The following ZBTB20 variants were observed in gnomAD, a reference collection of about 807,000 sequenced individuals.
The protein encoded by ZBTB20 is zinc finger and BTB domain containing 20.
In ZBTB20, 9 loss-of-function variants were observed where a neutral mutation model predicts 56.9. The observed-to-expected ratio is 0.16, with a 90% CI of 0.10 to 0.28. ZBTB20 has a LOEUF of 0.28. Ranked by LOEUF, ZBTB20 falls within the 10% of genes least tolerant of loss-of-function variation. The pLI is 1.00. For synonymous variants in ZBTB20, 417 were observed against 420.7 expected, an observed-to-expected ratio of 0.99 and a Z score of 0.11; for missense variants, 655 against 1,003.0, an observed-to-expected ratio of 0.65 and a Z score of 4.69.
intron 10 of ZBTB20, among the ~76,000 whole-genome samples, chr3:114,361,441 G>C (rs1185342632): frequency 6.6e-6 from 1 of 152,030 alleles, no homozygotes; most frequent in Non-Finnish European, 1.5e-5. Flanking sequence ...TTCATTTTTG[G>C]CTTGTTCTCA....
chr3:114,987,522 G>A (rs1004351616), intron 2 of ZBTB20, among the ~76,000 whole-genome samples: 7 of 152,132 alleles, frequency 4.6e-5, no homozygotes, highest in Non-Finnish European at 7.4e-5. Flanking sequence ...TTTCAAAAGA[G>A]GATGAAGTGC....
intron 2 of ZBTB20, among the ~76,000 whole-genome samples, chr3:115,066,031 T>C (rs924763994): frequency 3.3e-5 from 5 of 152,160 alleles, no homozygotes; most frequent in Non-Finnish European, 5.9e-5. Context: ...TTTCTACTAG[T>C]AGAAATTCCC....
At chr3:114,768,358 A>G (rs2068930831) in intron 5 of ZBTB20, among the ~76,000 whole-genome samples, 1 of 152,052 alleles carries the variant, frequency 6.6e-6, no homozygotes, top group Admixed American at 6.6e-5. Context: ...TCATGTTTTA[A>G]TCATTAATTC....
chr3:114,954,765 C>T (rs917941263), intron 3 of ZBTB20, among the ~76,000 whole-genome samples: 1 of 152,136 alleles, frequency 6.6e-6, no homozygotes, highest in African/African-American at 2.4e-5. Context: ...CACTCAACTG[C>T]AAATACTGTT....
intron 1 of ZBTB20, among the ~76,000 whole-genome samples, chr3:115,080,029 G>A (rs1182090857): frequency 6.6e-6 from 1 of 152,142 alleles, no homozygotes; most frequent in Non-Finnish European, 1.5e-5. Flanking sequence ...GAATGTTCAT[G>A]CCCAAATTTA....
intron 7 of ZBTB20, among the ~76,000 whole-genome samples, chr3:114,423,796 C>G (rs573824244): frequency 6.6e-6 from 1 of 152,280 alleles, no homozygotes; most frequent in African/African-American, 2.4e-5. Flanking sequence ...GAGGGCAGGA[C>G]AGGTGAACCA....
chr3:114,481,571 ACT>A (rs1347468022), intron 7 of ZBTB20, among the ~76,000 whole-genome samples: 7 of 152,108 alleles, frequency 4.6e-5, no homozygotes, highest in Non-Finnish European at 1.0e-4. Flanking sequence ...TCTCTGAGAA[ACT>A]CTATTTTGCA....
At chr3:114,953,466 T>C (rs950714762) in intron 3 of ZBTB20, among the ~76,000 whole-genome samples, 1 of 151,696 alleles carries the variant, frequency 6.6e-6, no homozygotes, top group African/African-American at 2.4e-5. Context: ...TTATACACTG[T>C]TTTCAACAAA....
chr3:114,787,366 T>TATATATACACACAC (rs1278656494), intron 5 of ZBTB20, among the ~76,000 whole-genome samples: 1 of 82,900 alleles, frequency 1.2e-5, no homozygotes, highest in African/African-American at 5.3e-5. Context: ...TATATATATA[T>TATATATACACACAC]ATACACACAC....
intron 10 of ZBTB20, among the ~76,000 whole-genome samples, chr3:114,375,607 G>T (rs1219434535): frequency 6.6e-6 from 1 of 152,196 alleles, no homozygotes; most frequent in Admixed American, 6.5e-5. Flanking sequence ...CTTTCAAGTT[G>T]TTCTAATGGC....
intron 1 of ZBTB20, among the ~76,000 whole-genome samples, chr3:115,104,775 A>G (rs2083674964): frequency 6.6e-6 from 1 of 152,230 alleles, no homozygotes; most frequent in Admixed American, 6.5e-5. Context: ...GTATAATACA[A>G]TAGTGACAGA....
At chr3:114,429,700 GA>G (rs1399931945) in intron 7 of ZBTB20, among the ~76,000 whole-genome samples, 1 of 150,794 alleles carries the variant, frequency 6.6e-6, no homozygotes. Flanking sequence ...AAAATATTTG[GA>G]AAAAAAAAAC....
At chr3:115,112,586 T>A (rs2083908531) in intron 1 of ZBTB20, among the ~76,000 whole-genome samples, 1 of 152,174 alleles carries the variant, frequency 6.6e-6, no homozygotes, top group South Asian at 2.1e-4. Context: ...TTATTTCACT[T>A]AACATAATGA....
chr3:114,753,324 C>CATTATATATA (rs756251155), intron 5 of ZBTB20, among the ~76,000 whole-genome samples: 6 of 117,258 alleles, frequency 5.1e-5, no homozygotes, highest in African/African-American at 2.0e-4. Context: ...TATATGTATA[C>CATTATATATA]CTGTATATAT....
At chr3:114,402,274 T>C (rs187287237) in intron 7 of ZBTB20, among the ~76,000 whole-genome samples, 34 of 152,274 alleles carry the variant, frequency 2.2e-4, no homozygotes, top group African/African-American at 7.9e-4. Context: ...TATGTCAAAA[T>C]GGCTGTTCTC....
intron 6 of ZBTB20, among the ~76,000 whole-genome samples, chr3:114,669,680 T>G (rs1008141975): frequency 2.0e-5 from 3 of 151,870 alleles, no homozygotes; most frequent in Non-Finnish European, 2.9e-5. Flanking sequence ...TCATTTTTTC[T>G]AGGACCAGTT....
chr3:114,873,451 C>A (rs2076080378), intron 4 of ZBTB20, among the ~76,000 whole-genome samples: 2 of 152,020 alleles, frequency 1.3e-5, no homozygotes, highest in South Asian at 4.1e-4. Flanking sequence ...TGATTTTCTC[C>A]TTTAAACATC....
At chr3:114,673,447 G>A (rs1324934681) in intron 6 of ZBTB20, among the ~76,000 whole-genome samples, 1 of 152,074 alleles carries the variant, frequency 6.6e-6, no homozygotes, top group African/African-American at 2.4e-5. Context: ...TAATAACCTC[G>A]ACTATTTAAC....
chr3:114,551,057 A>C (rs2050514377), intron 6 of ZBTB20, among the ~76,000 whole-genome samples: 1 of 152,194 alleles, frequency 6.6e-6, no homozygotes, highest in African/African-American at 2.4e-5. Context: ...GGCCAAAATA[A>C]ATTTTTTTAA....
Sources: allele counts gnomAD v4.1 joint callset (sites outside exome capture counted in the v4.1 genomes callset), GRCh38; gene constraint gnomAD v4.1.1; transcripts MANE v1.5; gene names NCBI Gene and HGNC (gene_info 2026-07-23, HGNC 2026-07-21).